MORC1: variants seen among roughly 807,000 people sequenced by gnomAD.
MORC1 encodes the protein MORC family CW-type zinc finger protein 1.
In MORC1, 59 loss-of-function variants were observed where a neutral mutation model predicts 134.9. The observed-to-expected ratio is 0.44, with a 90% CI of 0.35 to 0.54. MORC1 has a LOEUF of 0.54. Ranked by LOEUF, MORC1 falls within the 20% of genes least tolerant of loss-of-function variation. MORC1 has a pLI of 0.00. For missense variants in MORC1, 947 were observed against 1,134.5 expected (o/e 0.83, Z 2.37); for synonymous variants, 395 against 391.7 (o/e 1.01, Z -0.10).
At chr3:109,003,943 T>C (rs7610780) in intron 20 of MORC1, among the ~76,000 whole-genome samples, 31,042 of 152,178 alleles carry the variant, frequency 0.2, 3,512 homozygotes, top group Middle Eastern at 0.33. Context: ...GAATATATTA[T>C]AAAGGAATGT....
chr3:109,102,934 A>G (rs989175980), intron 4 of MORC1, among the ~76,000 whole-genome samples: 3 of 152,218 alleles, frequency 2.0e-5, no homozygotes, highest in African/African-American at 7.2e-5. Context: ...CCGAAGTCAG[A>G]ACAAAACTGG....
rs75952281 is a variant in MORC1, at chr3:109,046,283, G to A, written c.1330+8445C>T. ...GGGAGAGGGCTACAGGCCTCATTAC[G>A]GCAAATCTTCAAAAACAACACTGGG... On this transcript the variant is annotated intron_variant, in intron 14 of 27. Transcript: ENST00000232603. 5.3e-5 allele frequency among the ~76,000 whole-genome samples: 8 copies of A among 152,218 alleles called. No homozygotes were observed. The East Asian group carries it at 9.6e-4, about 18-fold the overall frequency.
chr3:109,040,622 G>A (rs184107648), intron 14 of MORC1, among the ~76,000 whole-genome samples: 2 of 151,910 alleles, frequency 1.3e-5, no homozygotes, highest in East Asian at 3.9e-4. Context: ...CTGGGGTCAG[G>A]AGTTTGAGAT....
At chr3:109,000,731 T>C in intron 20 of MORC1, 73 bp from the exon 21 acceptor site, 2 of 1,095,114 alleles carry the variant, frequency 1.8e-6, no homozygotes. Flanking sequence ...CTACCTTCAC[T>C]CTTCATTCTG....
intron 3 of MORC1, among the ~76,000 whole-genome samples, chr3:109,108,853 T>C (rs1261514091): frequency 2.0e-5 from 3 of 148,124 alleles, no homozygotes; most frequent in Non-Finnish European, 3.0e-5. Flanking sequence ...TGAGCCGAGC[T>C]CGCGCCACTG....
At chr3:109,080,929 ACTG>A (rs1950508875) in intron 8 of MORC1, among the ~76,000 whole-genome samples, 1 of 152,154 alleles carries the variant, frequency 6.6e-6, no homozygotes, top group Admixed American at 6.5e-5. Context: ...AGTTTATAGT[ACTG>A]ATTTATTTCA....
chr3:109,058,859 T>G lies in MORC1; in HGVS notation c.1031+947A>C, dbSNP rs141740335. Among the ~76,000 whole-genome samples, 778 of 152,186 alleles carry G rather than the reference T, an allele frequency of 5.1e-3. 18 individuals are homozygous for G. Among genetic ancestry groups the G allele is most frequent in the African/African-American group, 0.018 (747 of 41,554 alleles). ...CCCAGCATTTTGCCATTAAAACAAG[T>G]TCATGGCAACTGGCATTATTATTAA... On this transcript the variant is annotated intron_variant, in intron 12 of 27. Coordinates refer to ENST00000232603, the MANE Select transcript of MORC1 (RefSeq NM_014429.4).
At chr3:109,016,466 T>C (rs9843687) in intron 17 of MORC1, among the ~76,000 whole-genome samples, 64,262 of 152,046 alleles carry the variant, frequency 0.42, 14,294 homozygotes, top group Middle Eastern at 0.55. Context: ...ACTTCTTTTC[T>C]ACAATCTCAG....
intron 17 of MORC1, among the ~76,000 whole-genome samples, chr3:109,020,238 T>C (rs1948923100): frequency 6.6e-6 from 1 of 152,212 alleles, no homozygotes; most frequent in African/African-American, 2.4e-5. Context: ...CCAGAAATTA[T>C]TCCTAGTGGT....
At chr3:109,078,239 G>T (rs943688495) in intron 8 of MORC1, among the ~76,000 whole-genome samples, 1 of 152,020 alleles carries the variant, frequency 6.6e-6, no homozygotes, top group Non-Finnish European at 1.5e-5. Context: ...GAAATGGATA[G>T]AGCTCTGTCC....
intron 14 of MORC1, among the ~76,000 whole-genome samples, chr3:109,040,448 G>GA (rs748961462): frequency 7.9e-6 from 1 of 125,818 alleles, no homozygotes; most frequent in South Asian, 2.7e-4. Context: ...AAGAAAGAAA[G>GA]AAAGAAAGAA....
At chr3:109,111,261 C>A (rs1424723450) in intron 2 of MORC1, among the ~76,000 whole-genome samples, 1 of 152,082 alleles carries the variant, frequency 6.6e-6, no homozygotes, top group Non-Finnish European at 1.5e-5. Context: ...AAAACTATAG[C>A]CACGGACCAA....
intron 15 of MORC1, 83 bp from the exon 16 acceptor site, chr3:109,032,908 G>A (rs1047416274): frequency 3.4e-6 from 3 of 872,468 alleles, no homozygotes; most frequent in Non-Finnish European, 5.7e-6. Flanking sequence ...CATATCAAAA[G>A]TATGAGGTAT....
At chr3:109,073,333 T>C (rs887841792) in intron 8 of MORC1, among the ~76,000 whole-genome samples, 1 of 152,246 alleles carries the variant, frequency 6.6e-6, no homozygotes, top group African/African-American at 2.4e-5. Flanking sequence ...CCTTATCTGC[T>C]GATTCAGATT....
chr3:109,033,499 A>G (rs1294265171), intron 15 of MORC1, among the ~76,000 whole-genome samples: 2 of 152,098 alleles, frequency 1.3e-5, no homozygotes, highest in Non-Finnish European at 2.9e-5. Context: ...TCTCCAGGCT[A>G]CACTTACATT....
intron 8 of MORC1, among the ~76,000 whole-genome samples, chr3:109,090,103 T>C (rs1950686362): frequency 6.6e-6 from 1 of 152,112 alleles, no homozygotes; most frequent in Admixed American, 6.5e-5. Flanking sequence ...GACTGCTATC[T>C]ATTGGAAAAA....
intron 14 of MORC1, 52 bp downstream of exon 14, chr3:109,054,676 C>T: frequency 7.2e-7 from 1 of 1,387,270 alleles, no homozygotes; most frequent in Non-Finnish European, 9.5e-7. Flanking sequence ...AAAGAAATCA[C>T]AGAAAGTAAT....
intron 20 of MORC1, among the ~76,000 whole-genome samples, chr3:109,002,277 T>C (rs115918065): frequency 1.9e-3 from 286 of 152,312 alleles, no homozygotes; most frequent in African/African-American, 6.6e-3. Flanking sequence ...AGTCAGGCAC[T>C]AGATGGAACA....
At chr3:109,032,970 G>A in intron 15 of MORC1, 145 bp from the exon 16 acceptor site, 1 of 639,490 alleles carries the variant, frequency 1.6e-6, no homozygotes, top group Non-Finnish European at 2.8e-6. Flanking sequence ...TATTCTTGAT[G>A]ACACATCTAT....
Sources: allele counts gnomAD v4.1 joint callset (sites outside exome capture counted in the v4.1 genomes callset), GRCh38; gene constraint gnomAD v4.1.1; transcripts MANE v1.5; gene names NCBI Gene and HGNC (gene_info 2026-07-23, HGNC 2026-07-21).